The following NCKAP5 variants were observed in gnomAD, a reference collection of about 807,000 sequenced individuals.
The protein encoded by NCKAP5 is nck-associated protein 5.
NCKAP5 carries 92 observed loss-of-function variants against 167.0 expected under a neutral mutation model. That is an observed-to-expected ratio of 0.55 (90% CI 0.47 to 0.66). The LOEUF (loss-of-function observed/expected upper bound fraction) is 0.66. Among genes scored for constraint, NCKAP5 ranks in the 30% least tolerant of loss-of-function variants. The pLI is 0.00. For synonymous variants in NCKAP5, 891 were observed against 877.4 expected, an observed-to-expected ratio of 1.02 and a Z score of -0.27; for missense variants, 2,378 against 2,315.0, an observed-to-expected ratio of 1.03 and a Z score of -0.56.
At chr2:133,007,269 CTA>C (rs993644703) in intron 6 of NCKAP5, among the ~76,000 whole-genome samples, 1 of 152,142 alleles carries the variant, frequency 6.6e-6, no homozygotes, top group African/African-American at 2.4e-5. Flanking sequence ...ATAAAAAATG[CTA>C]TATATGTTGA....
intron 2 of NCKAP5, chr2:133,556,608 A>G (rs1469160284): frequency 6.6e-6 from 1 of 152,248 alleles, no homozygotes; most frequent in Non-Finnish European, 1.5e-5. Flanking sequence ...TAGCAAGTGC[A>G]GATGAAAGTG....
chr2:133,423,579 G>A lies in NCKAP5; in HGVS notation c.69+93879C>T, dbSNP rs145045293. 8.3e-4 allele frequency among the ~76,000 whole-genome samples: 127 copies of A among 152,232 alleles called. No homozygotes were observed. The East Asian group carries it at 0.019, about 23-fold the overall frequency. On this transcript the variant is annotated intron_variant, in intron 3 of 19. Coordinates refer to ENST00000409261, the MANE Select transcript of NCKAP5 (RefSeq NM_207363.3). ...AATTGCCAAATGCCCAGGGACTTCT[G>A]GATCCAATTAGAATGGATGTTTGAC...
intron 11 of NCKAP5, among the ~76,000 whole-genome samples, chr2:132,848,262 T>G (rs1688815575): frequency 6.6e-6 from 1 of 152,232 alleles, no homozygotes; most frequent in Non-Finnish European, 1.5e-5. Flanking sequence ...TTTTTCCTTT[T>G]AGAAGTGGAC....
At chr2:133,425,392 A>T (rs1403214286) in intron 3 of NCKAP5, among the ~76,000 whole-genome samples, 1 of 152,222 alleles carries the variant, frequency 6.6e-6, no homozygotes, top group Non-Finnish European at 1.5e-5. Context: ...ATGTACGTGA[A>T]ACATCCTTGG....
chr2:133,371,023 G>A (rs1480565712), intron 3 of NCKAP5, among the ~76,000 whole-genome samples: 2 of 152,158 alleles, frequency 1.3e-5, no homozygotes. Flanking sequence ...AAGGTTCTCA[G>A]TCACCTGCCT....
chr2:133,334,630 A>G (rs1196333858), intron 3 of NCKAP5, among the ~76,000 whole-genome samples: 2 of 152,186 alleles, frequency 1.3e-5, no homozygotes, highest in African/African-American at 4.8e-5. Context: ...GCATATAAAA[A>G]GAATTTCCTT....
At chr2:133,184,757 T>C (rs1239969796) in intron 5 of NCKAP5, among the ~76,000 whole-genome samples, 2 of 152,162 alleles carry the variant, frequency 1.3e-5, no homozygotes, top group Non-Finnish European at 2.9e-5. Context: ...GCTGCTTCCA[T>C]GTATTCTTTT....
chr2:133,136,768 T>A (rs1469174888), intron 5 of NCKAP5, among the ~76,000 whole-genome samples: 1 of 152,144 alleles, frequency 6.6e-6, no homozygotes. Context: ...GAAAAACACA[T>A]GAGCTCATTT....
chr2:133,182,296 A>G (rs1321776256), intron 5 of NCKAP5, among the ~76,000 whole-genome samples: 1 of 152,222 alleles, frequency 6.6e-6, no homozygotes, highest in Non-Finnish European at 1.5e-5. Flanking sequence ...AATTAATACA[A>G]AAGTACATAA....
intron 6 of NCKAP5, among the ~76,000 whole-genome samples, chr2:132,996,607 T>C (rs1446359536): frequency 6.6e-6 from 1 of 152,240 alleles, no homozygotes; most frequent in Non-Finnish European, 1.5e-5. Flanking sequence ...TAAAAATCCT[T>C]CACTTTAATG....
At chr2:133,037,217 G>A (rs183076325) in intron 6 of NCKAP5, among the ~76,000 whole-genome samples, 33 of 151,952 alleles carry the variant, frequency 2.2e-4, no homozygotes, top group East Asian at 1.5e-3. Context: ...TAAAATGTCC[G>A]TACTATCCAA....
intron 7 of NCKAP5, among the ~76,000 whole-genome samples, chr2:132,978,744 T>C (rs764661148): frequency 2.0e-5 from 3 of 152,146 alleles, no homozygotes; most frequent in Admixed American, 1.3e-4. Context: ...CACGAATAAA[T>C]GTGAGATTAT....
At chr2:133,062,213 A>G (rs1224661143) in intron 6 of NCKAP5, among the ~76,000 whole-genome samples, 2 of 152,228 alleles carry the variant, frequency 1.3e-5, no homozygotes, top group African/African-American at 2.4e-5. Context: ...AAGACAAAAA[A>G]GCCAAATATT....
chr2:133,208,532 T>G (rs985136144), intron 5 of NCKAP5, among the ~76,000 whole-genome samples: 1 of 152,116 alleles, frequency 6.6e-6, no homozygotes, highest in Non-Finnish European at 1.5e-5. Flanking sequence ...TACCAAGTTG[T>G]CAAAAACAAG....
chr2:133,327,529 G>A (rs1053030973), intron 3 of NCKAP5, among the ~76,000 whole-genome samples: 2 of 152,100 alleles, frequency 1.3e-5, no homozygotes, highest in South Asian at 4.1e-4. Context: ...TAATAAACTG[G>A]TTGGTCTGAG....
chr2:132,847,204 A>G (rs1048084451), intron 11 of NCKAP5, among the ~76,000 whole-genome samples: 10 of 152,202 alleles, frequency 6.6e-5, no homozygotes, highest in Non-Finnish European at 8.8e-5. Context: ...CAGATTAAAG[A>G]GATGTGGGAA....
intron 8 of NCKAP5, among the ~76,000 whole-genome samples, chr2:132,920,685 G>GTTTA (rs1695263126): frequency 2.2e-5 from 2 of 90,622 alleles, no homozygotes; most frequent in East Asian, 9.1e-4. Context: ...ATATAAGTTA[G>GTTTA]TTTATATATA....
chr2:133,066,546 T>A (rs1042456769), intron 6 of NCKAP5, among the ~76,000 whole-genome samples: 2 of 152,234 alleles, frequency 1.3e-5, no homozygotes, highest in Non-Finnish European at 2.9e-5. Context: ...TTCTATTTTT[T>A]CCTTTCCTTC....
At chr2:132,975,792 A>T in intron 7 of NCKAP5, among the ~76,000 whole-genome samples, 1 of 152,154 alleles carries the variant, frequency 6.6e-6, no homozygotes. Flanking sequence ...AGAGAAAAAA[A>T]AAAAAACCTC....
Sources: gnomAD v4.1 joint callset for allele counts (sites outside exome capture counted in the v4.1 genomes callset) on GRCh38, gnomAD v4.1.1 for gene constraint, MANE v1.5 for transcripts, NCBI Gene and HGNC (gene_info 2026-07-23, HGNC 2026-07-21) for gene names.